The following SEC22A variants were observed in gnomAD, a reference collection of about 807,000 sequenced individuals.
The protein encoded by SEC22A is vesicle-trafficking protein SEC22a.
SEC22A carries 22 observed loss-of-function variants against 35.3 expected under a neutral mutation model. That is an observed-to-expected ratio of 0.62 (90% confidence interval 0.45 to 0.89). The LOEUF (loss-of-function observed/expected upper bound fraction) is 0.89. SEC22A is among the 40% of genes least tolerant of loss of function. The probability of loss-of-function intolerance (pLI) is 0.00; values close to 1 mark genes in which losing one functional copy is unlikely to be tolerated. For missense variants in SEC22A, 354 were observed against 362.5 expected (o/e 0.98, Z 0.19); for synonymous variants, 119 against 129.5 (o/e 0.92, Z 0.55).
At chr3:123,268,336 TG>T (rs946217634) in intron 6 of SEC22A, among the ~76,000 whole-genome samples, 1 of 152,224 alleles carries the variant, frequency 6.6e-6, no homozygotes, top group Non-Finnish European at 1.5e-5. Context: ...CATTTCTAGT[TG>T]CCAGCTTCTT....
At chr3:123,271,080 G>A (rs938339556) in intron 6 of SEC22A, among the ~76,000 whole-genome samples, 3 of 152,132 alleles carry the variant, frequency 2.0e-5, no homozygotes, top group Non-Finnish European at 2.9e-5. Flanking sequence ...GTAAAATGTT[G>A]TGGATTTTGT....
chr3:123,256,758 CTTTTTTTTT>C (rs386397801), intron 5 of SEC22A, among the ~76,000 whole-genome samples: 1 of 83,550 alleles, frequency 1.2e-5, no homozygotes, highest in Non-Finnish European at 2.3e-5. Flanking sequence ...TTTTTCTTTC[CTTTTTTTTT>C]TTTTTTTTTT....
At chr3:123,255,269 C>T (rs1217213099) in intron 5 of SEC22A, among the ~76,000 whole-genome samples, 5 of 152,044 alleles carry the variant, frequency 3.3e-5, no homozygotes, top group South Asian at 2.1e-4. Context: ...TGTTTTCTCC[C>T]GTTTTGTTTT....
In SEC22A at chr3:123,271,568, T is replaced by TCCGCC. The variant is rs745410069; in HGVS notation, c.770_771insCCGCC (p.Leu258ArgfsTer3). ...ACCGGCTGGCGGAATGTCAAATCTTTTTTGACTTTTGGCTTAATCTGTCTA... is the reference window on the plus strand; with the variant it reads ...ACCGGCTGGCGGAATGTCAAATCTTTCCGCCTTTGACTTTTGGCTTAATCTGTCTA... On this transcript the variant is annotated frameshift_variant, in exon 7 of 7. Coordinates refer to ENST00000492595, the MANE Select transcript of SEC22A (RefSeq NM_012430.5). LOFTEE classifies it high-confidence loss of function. 8.1e-6 allele frequency: 13 copies of TCCGCC among 1,614,060 alleles called. No individual in the cohort carries two copies. The highest frequency in any genetic ancestry group is 1.1e-5 in the Non-Finnish European group (13 of 1,180,032).
In SEC22A at chr3:123,271,879, G is replaced by C; in HGVS notation, c.*157G>C. 3 of 618,466 alleles carry C rather than the reference G, an allele frequency of 4.9e-6. No homozygotes were observed. Among genetic ancestry groups the C allele is most frequent in the African/African-American group, 1.9e-5 (1 of 53,080 alleles). The allele number at this position is 618,466 out of a possible 1,614,324, so 38.3% of individuals were successfully genotyped here. A position where few individuals can be genotyped will look rare whatever the true frequency, so the allele number is the denominator to read the frequency against. The stretch of plus-strand genomic sequence containing the variant: ...TAAAATCAGCATGATGTGCCTGTGA[G>C]CATGGAAGAGTCCTCTCAGAAGAAT... On this transcript the variant is annotated 3_prime_UTR_variant, in exon 7 of 7. Coordinates refer to ENST00000492595, the MANE Select transcript of SEC22A (RefSeq NM_012430.5).
intron 4 of SEC22A, among the ~76,000 whole-genome samples, chr3:123,226,569 G>A (rs144086150): frequency 6.6e-6 from 1 of 152,124 alleles, no homozygotes; most frequent in African/African-American, 2.4e-5. Context: ...AGAGTTGTTT[G>A]AGCTCATTGT....
intron 5 of SEC22A, among the ~76,000 whole-genome samples, chr3:123,254,152 G>A (rs1251969470): frequency 2.0e-5 from 3 of 151,912 alleles, no homozygotes; most frequent in Non-Finnish European, 4.4e-5. Flanking sequence ...TACATTGTGT[G>A]GCTATTATAT....
chr3:123,227,062 C>T (rs139451339), intron 4 of SEC22A, among the ~76,000 whole-genome samples: 2 of 152,220 alleles, frequency 1.3e-5, no homozygotes, highest in African/African-American at 2.4e-5. Flanking sequence ...CTTTAGTGAT[C>T]GTCTGCTCAA....
At chr3:123,231,345 A>G (rs764813552) in intron 4 of SEC22A, among the ~76,000 whole-genome samples, 43 of 152,220 alleles carry the variant, frequency 2.8e-4, no homozygotes, top group Non-Finnish European at 4.9e-4. Context: ...TACTCCATTT[A>G]ACAACAGAAT....
chr3:123,223,623 G>A lies in SEC22A; in HGVS notation c.247G>A (p.Ala83Thr), dbSNP rs139138356. 1.2e-4 allele frequency: 196 copies of A among 1,613,180 alleles called. No homozygotes were observed. In the African/African-American group the frequency reaches 1.9e-3, roughly 16 times the overall value. ...CACTGAAAATTACCCAAATGTTCTC[G>A]CCTTCTCTTTCCTGGATGAGCTTCA... ...LCTENYPNVLAFSFLDELQKE... is the reference protein window; with the variant it reads ...LCTENYPNVLTFSFLDELQKE... Residue 83 changes from alanine (A) to threonine (T), a missense_variant, in exon 3 of 7, where the codon GCC becomes ACC. Ala to Thr is a moderately conservative substitution (Grantham distance 58, BLOSUM62 0). Transcript: ENST00000492595.
At chr3:123,230,265 G>A (rs138473660) in intron 4 of SEC22A, among the ~76,000 whole-genome samples, 255 of 152,186 alleles carry the variant, frequency 1.7e-3, no homozygotes, top group African/African-American at 5.6e-3. Context: ...ATATGTTTTC[G>A]CATACAGCAA....
chr3:123,271,764 G>A lies in SEC22A; in HGVS notation c.*42G>A. On this transcript the variant is annotated 3_prime_UTR_variant, in exon 7 of 7. Transcript: ENST00000492595. The stretch of plus-strand genomic sequence containing the variant: ...TATTGCCTTGGCTTCAGGGGGATAA[G>A]GAGGGAACATATCATAACTGCACTG... The A allele has an allele frequency of 1.3e-6, 2 of 1,520,484 alleles. No individual in the cohort carries two copies. Among genetic ancestry groups the A allele is most frequent in the African/African-American group, 1.4e-5 (1 of 73,146 alleles). The allele number at this position is 1,520,484 out of a possible 1,614,324, so 94.2% of individuals were successfully genotyped here.
chr3:123,263,490 AT>A (rs1313935929), intron 6 of SEC22A, among the ~76,000 whole-genome samples: 1 of 152,176 alleles, frequency 6.6e-6, no homozygotes, highest in Non-Finnish European at 1.5e-5. Context: ...GGGCTTCAAC[AT>A]TTGAAGTAAT....
intron 2 of SEC22A, among the ~76,000 whole-genome samples, chr3:123,221,573 G>A (rs187422929): frequency 6.6e-5 from 10 of 150,698 alleles, no homozygotes; most frequent in Admixed American, 2.7e-4. Context: ...CCCTGATCTA[G>A]ACCAGCTATA....
chr3:123,270,593 GAT>G (rs1292637924), intron 6 of SEC22A, among the ~76,000 whole-genome samples: 3 of 152,298 alleles, frequency 2.0e-5, no homozygotes, highest in African/African-American at 7.2e-5. Context: ...GGGCACTGGA[GAT>G]AAATGAGTAA....
chr3:123,255,596 G>A (rs1937712529), intron 5 of SEC22A, among the ~76,000 whole-genome samples: 1 of 152,124 alleles, frequency 6.6e-6, no homozygotes, highest in Non-Finnish European at 1.5e-5. Context: ...TCCTTCTAGG[G>A]AGATTATGTG....
intron 5 of SEC22A, among the ~76,000 whole-genome samples, chr3:123,250,307 G>A (rs1005991194): frequency 5.9e-5 from 9 of 152,298 alleles, no homozygotes; most frequent in African/African-American, 2.2e-4. Context: ...CTATTCGGGA[G>A]GCTGAGGCAG....
Position 123,263,740 on chromosome 3 carries a change from G to A in SEC22A, c.723+4151G>A, listed in dbSNP as rs1437740318. On this transcript the variant is annotated intron_variant, in intron 6 of 6. Coordinates refer to ENST00000492595, the MANE Select transcript of SEC22A (RefSeq NM_012430.5). Reference sequence around the variant, plus strand: ...TGTTGGTCAGGCAACTTCTGACCTCGTGATCCGCCCACCTCAGCCTCCCAA... The same window carrying A: ...TGTTGGTCAGGCAACTTCTGACCTCATGATCCGCCCACCTCAGCCTCCCAA... Among the ~76,000 whole-genome samples, 3 of 152,192 alleles carry A rather than the reference G, an allele frequency of 2.0e-5. No homozygotes were observed. The South Asian group carries it at 6.2e-4, about 32-fold the overall frequency.
chr3:123,225,902 C>T (rs1937211159), intron 4 of SEC22A, among the ~76,000 whole-genome samples: 1 of 151,950 alleles, frequency 6.6e-6, no homozygotes, highest in South Asian at 2.1e-4. Flanking sequence ...TCCATGAGTT[C>T]AGTTGTTTTA....
Sources: allele counts gnomAD v4.1 joint callset (sites outside exome capture counted in the v4.1 genomes callset), GRCh38; gene constraint gnomAD v4.1.1; transcripts MANE v1.5; gene names NCBI Gene and HGNC (gene_info 2026-07-23, HGNC 2026-07-21).